The following STX5 variants were observed in gnomAD, a reference collection of about 807,000 sequenced individuals.
STX5 encodes the protein syntaxin-5.
STX5 carries 15 observed loss-of-function variants against 42.9 expected under a neutral mutation model. The observed-to-expected ratio is 0.35, with a 90% CI of 0.23 to 0.54. The LOEUF is 0.54. Ranked by LOEUF, STX5 falls within the 20% of genes least tolerant of loss-of-function variation. The probability of loss-of-function intolerance (pLI) is 0.91; values close to 1 mark genes in which losing one functional copy is unlikely to be tolerated. For missense variants in STX5, 430 were observed against 455.0 expected (o/e 0.95, Z 0.50); for synonymous variants, 184 against 173.2 (o/e 1.06, Z -0.49).
intron 1 of STX5, among the ~76,000 whole-genome samples, chr11:62,831,746 G>C (rs1353550923): frequency 6.8e-6 from 1 of 147,096 alleles, no homozygotes; most frequent in Non-Finnish European, 1.5e-5. Flanking sequence ...CCTTCTGGAA[G>C]ACTTCAACCA....
At position 62,818,041 on chromosome 11, in the gene STX5, CG is replaced by C. The variant is rs2084694630; in HGVS notation, c.908+6124del. Among the ~76,000 whole-genome samples the C allele has an allele frequency of 2.6e-5, 4 of 151,954 alleles. No individual in the cohort carries two copies. In the South Asian group the frequency reaches 8.3e-4, roughly 31 times the overall value. On this transcript the variant is annotated intron_variant, in intron 10 of 10. Transcript: ENST00000294179. ...GGCGGATCACCTGAGGTCAGTAGTT[CG>C]AGACCAGACTGCCCAACATGGCAAA...
intron 10 of STX5, among the ~76,000 whole-genome samples, chr11:62,822,817 A>G (rs534318916): frequency 2.2e-4 from 34 of 151,748 alleles, no homozygotes; most frequent in African/African-American, 5.8e-4. Flanking sequence ...CTATATTCCC[A>G]TAACTGACTG....
Position 62,824,534 on chromosome 11 carries a change from G to A in STX5, c.711C>T (p.Ser237=). ...CGATGGCGACATCCTTGGAGGCATGGGACTCTGCCCCCAGAACCACAGCAC... is the reference window on the plus strand; with the variant it reads ...CGATGGCGACATCCTTGGAGGCATGAGACTCTGCCCCCAGAACCACAGCAC... The part of the protein sequence containing the change: ...GGGAVVLGAE[S]HASKDVAIDM... The change falls in exon 9 of 11, where the codon TCC becomes TCT. Residue 237 remains serine (S), a synonymous_variant. Coordinates refer to ENST00000294179, the MANE Select transcript of STX5 (RefSeq NM_003164.5). 1 of 1,614,116 alleles carries A rather than the reference G, an allele frequency of 6.2e-7. No individual in the cohort carries two copies. The highest frequency in any genetic ancestry group is 8.5e-7 in the Non-Finnish European group (1 of 1,180,006).
rs770096519 is a variant in STX5, at chr11:62,825,049, G to C, written c.666C>G (p.Ala222=). 1.2e-6 allele frequency: 2 copies of C among 1,613,842 alleles called. No individual in the cohort carries two copies. The highest frequency in any genetic ancestry group is 1.7e-5 in the Admixed American group (1 of 59,998). Residue 222 remains alanine (A), a synonymous_variant, in exon 8 of 11, where the codon GCC becomes GCG. Transcript: ENST00000294179. ...CCTGTGACTTACCCAGGTGGTTAGG[G>C]GCAAGGGGCAGGGCTGACACAGGTG... ...SRAPVSALPL[A]PNHLGGGAVV... is the part of the protein sequence containing the mutation.
intron 10 of STX5, among the ~76,000 whole-genome samples, chr11:62,813,010 G>A (rs2084635300): frequency 6.6e-6 from 1 of 151,172 alleles, no homozygotes; most frequent in Admixed American, 6.6e-5. Context: ...TACTTGGGAG[G>A]CTGAGGCAGA....
intron 1 of STX5, among the ~76,000 whole-genome samples, chr11:62,831,672 C>T (rs1228325912): frequency 1.3e-5 from 2 of 152,116 alleles, no homozygotes; most frequent in Admixed American, 6.5e-5. Context: ...CTTCGGTGGG[C>T]GGAGGGGGAA....
chr11:62,821,961 G>A (rs947878565), intron 10 of STX5, among the ~76,000 whole-genome samples: 9 of 152,134 alleles, frequency 5.9e-5, no homozygotes, highest in Admixed American at 5.9e-4. Flanking sequence ...AGGAGGCAGA[G>A]GTTGCAGTGG....
intron 10 of STX5, among the ~76,000 whole-genome samples, chr11:62,813,610 T>C (rs898891975): frequency 2.0e-4 from 30 of 152,300 alleles, no homozygotes; most frequent in African/African-American, 7.2e-4. Flanking sequence ...CAGTTTCACA[T>C]GATCAACAAC....
intron 6 of STX5, 24 bp from the exon 7 acceptor site, chr11:62,825,363 A>C (rs1383690795): frequency 6.2e-7 from 1 of 1,614,210 alleles, no homozygotes. Flanking sequence ...AGAGAGGGTC[A>C]ACCAAAGAAG....
At chr11:62,830,520 C>A in intron 2 of STX5, 1 of 456,164 alleles carries the variant, frequency 2.2e-6, no homozygotes, top group South Asian at 1.5e-5. Flanking sequence ...TACACTCCAG[C>A]CTGTTGACAG....
intron 10 of STX5, among the ~76,000 whole-genome samples, chr11:62,817,673 T>C (rs1170439133): frequency 6.6e-6 from 1 of 152,060 alleles, no homozygotes; most frequent in East Asian, 1.9e-4. Flanking sequence ...CTATTATAAC[T>C]GAGGGAAAAT....
intron 10 of STX5, among the ~76,000 whole-genome samples, chr11:62,813,285 C>CA (rs1339717718): frequency 3.3e-5 from 5 of 151,812 alleles, no homozygotes; most frequent in South Asian, 2.1e-4. Flanking sequence ...CAAACAACAA[C>CA]AAAAAAAATC....
chr11:62,830,619 T>C (rs2084845870), intron 2 of STX5: 1 of 458,406 alleles, frequency 2.2e-6, no homozygotes, highest in African/African-American at 2.0e-5. Flanking sequence ...AAAACTAATA[T>C]GTAACTAGAT....
chr11:62,831,904 T>G (rs1225447253), intron 1 of STX5, 50 bp downstream of exon 1: 2 of 452,724 alleles, frequency 4.4e-6, no homozygotes, highest in Admixed American at 2.4e-5. Flanking sequence ...GTAAAACCAC[T>G]GCCCCAGAGC....
chr11:62,819,895 T>C (rs919267046), intron 10 of STX5, among the ~76,000 whole-genome samples: 2 of 148,630 alleles, frequency 1.3e-5, no homozygotes, highest in Non-Finnish European at 3.0e-5. Flanking sequence ...TGAGATGCGG[T>C]TTCACCATTT....
At chr11:62,831,835 G>T (rs1246801489) in intron 1 of STX5, 119 bp downstream of exon 1, 1 of 448,228 alleles carries the variant, frequency 2.2e-6, no homozygotes, top group African/African-American at 2.0e-5. Flanking sequence ...CCCGGAGCCG[G>T]GCCGGCAGGA....
intron 10 of STX5, among the ~76,000 whole-genome samples, chr11:62,819,670 G>T (rs2084717200): frequency 6.6e-6 from 1 of 151,632 alleles, no homozygotes; most frequent in East Asian, 1.9e-4. Flanking sequence ...CTGGGACCAA[G>T]ATGTGCATCA....
intron 7 of STX5, 26 bp from the exon 8 acceptor site, chr11:62,825,143 A>G (rs1419673633): frequency 1.2e-6 from 2 of 1,612,110 alleles, no homozygotes; most frequent in Non-Finnish European, 1.7e-6. Flanking sequence ...AACGCAAAGG[A>G]CCTGAAGCCA....
In STX5 at chr11:62,824,287, C is replaced by A; in HGVS notation, c.787G>T (p.Asp263Tyr). Residue 263 changes from aspartate (D) to tyrosine (Y), a missense_variant and splice_region_variant, in exon 10 of 11, where the codon GAT becomes TAT. Physicochemically the swap from Asp to Tyr is radical, Grantham distance 160. Transcript: ENST00000294179. ...SQQLQLIDEQ[D>Y]SYIQSRADTM... ...TCTGCCCGACTCTGGATGTAGGAAT[C>A]CTTCAGGAGAGGGAGAGAGCACATG... 1 of 1,614,204 alleles carries A rather than the reference C, an allele frequency of 6.2e-7. No individual in the cohort carries two copies. The highest frequency in any genetic ancestry group is 8.5e-7 in the Non-Finnish European group (1 of 1,180,042).
Sources: gnomAD v4.1 joint callset for allele counts (sites outside exome capture counted in the v4.1 genomes callset) on GRCh38, gnomAD v4.1.1 for gene constraint, MANE v1.5 for transcripts, NCBI Gene and HGNC (gene_info 2026-07-23, HGNC 2026-07-21) for gene names.